Variants in RNF152 observed in about 807,000 individuals in gnomAD.
RNF152 encodes E3 ubiquitin-protein ligase RNF152.
In RNF152, 11 loss-of-function variants were observed where a neutral mutation model predicts 12.7. The observed-to-expected ratio is 0.86, with a 90% CI of 0.54 to 1.43. RNF152 has a LOEUF of 1.43. Ranked by LOEUF, RNF152 falls within the 40% of genes most tolerant of loss-of-function variation. The pLI is 0.00. For synonymous variants in RNF152, 113 were observed against 120.3 expected (o/e 0.94, Z 0.40); for missense variants, 255 against 274.8 (o/e 0.93, Z 0.51).
chr18:61,888,878 C>T lies in RNF152; in HGVS notation c.-136+3917G>A, dbSNP rs547555373. 45 of 152,310 alleles carry T rather than the reference C, an allele frequency of 3.0e-4. 1 individual carries two copies. The highest frequency in any genetic ancestry group is 9.6e-4 in the African/African-American group (40 of 41,564). 9.4% of individuals were successfully genotyped at this position (152,310 alleles called of 1,614,324 possible). A position where few individuals can be genotyped will look rare whatever the true frequency, so the allele number is the denominator to read the frequency against. On this transcript the variant is annotated intron_variant, in intron 1 of 1. Coordinates refer to ENST00000312828, the MANE Select transcript of RNF152 (RefSeq NM_173557.3). ...GGCAGTGCCAGAAACCACTTTCATG[C>T]CACAAGAGTCCTCTACCTGACCAGC...
chr18:61,875,787 C>T (rs11152319), intron 1 of RNF152, among the ~76,000 whole-genome samples: 80,658 of 151,812 alleles, frequency 0.53, 21,605 homozygotes, highest in East Asian at 0.76. Context: ...CATTGATTCA[C>T]CCTCCCATTC....
intron 1 of RNF152, among the ~76,000 whole-genome samples, chr18:61,855,025 A>C (rs1350280851): frequency 6.6e-6 from 1 of 152,222 alleles, no homozygotes; most frequent in African/African-American, 2.4e-5. Context: ...CCTAAATATT[A>C]TATTTTAAAT....
intron 1 of RNF152, among the ~76,000 whole-genome samples, chr18:61,832,676 C>A (rs2080953812): frequency 6.6e-6 from 1 of 152,088 alleles, no homozygotes; most frequent in Non-Finnish European, 1.5e-5. Context: ...AAAAAAACAG[C>A]CCGATTTAAC....
intron 1 of RNF152, among the ~76,000 whole-genome samples, chr18:61,818,709 C>T (rs549400270): frequency 3.9e-5 from 6 of 152,296 alleles, no homozygotes; most frequent in Non-Finnish European, 7.4e-5. Flanking sequence ...AAATCAGACC[C>T]AGATTCTACC....
chr18:61,839,337 T>C (rs1211724038), intron 1 of RNF152, among the ~76,000 whole-genome samples: 2 of 152,236 alleles, frequency 1.3e-5, no homozygotes, highest in Admixed American at 1.3e-4. Context: ...GTCCCTAGTC[T>C]TTCCTTGACT....
chr18:61,844,026 A>G (rs1910576265), intron 1 of RNF152, among the ~76,000 whole-genome samples: 1 of 150,366 alleles, frequency 6.7e-6, no homozygotes, highest in African/African-American at 2.5e-5. Context: ...AGAGAAAAGA[A>G]AGAGAGAGAG....
At position 61,815,533 on chromosome 18, in the gene RNF152, C is replaced by T. The variant is rs993826722; in HGVS notation, c.*319G>A. ...CATTGTACGCACTTGTACAGTTTAA[C>T]GTCTAAGTAGAATATGTCTATCTTG... On this transcript the variant is annotated 3_prime_UTR_variant, in exon 2 of 2. Transcript: ENST00000312828. The T allele has an allele frequency of 1.7e-5, 5 of 301,194 alleles. No individual in the cohort carries two copies. Among genetic ancestry groups the T allele is most frequent in the African/African-American group, 4.2e-5 (2 of 47,076 alleles). 18.7% of individuals were successfully genotyped at this position (301,194 alleles called of 1,614,324 possible).
At chr18:61,879,259 G>A (rs1912348113) in intron 1 of RNF152, among the ~76,000 whole-genome samples, 1 of 152,068 alleles carries the variant, frequency 6.6e-6, no homozygotes, top group Non-Finnish European at 1.5e-5. Context: ...CATTTATATT[G>A]TGTTTACATT....
At chr18:61,863,117 T>G (rs1911562729) in intron 1 of RNF152, among the ~76,000 whole-genome samples, 1 of 152,164 alleles carries the variant, frequency 6.6e-6, no homozygotes, top group African/African-American at 2.4e-5. Flanking sequence ...CCAAATGTGT[T>G]GCCCGTAAAA....
intron 1 of RNF152, among the ~76,000 whole-genome samples, chr18:61,817,995 G>A (rs1909194286): frequency 6.6e-6 from 1 of 152,138 alleles, no homozygotes; most frequent in South Asian, 2.1e-4. Context: ...ACCTAGAGAT[G>A]GGAGCTATAA....
At position 61,808,919 on chromosome 18, in the gene RNF152, TG is replaced by T. The variant is rs1352161069; in HGVS notation, c.*6932del. 1 of 152,066 alleles carries T rather than the reference TG, an allele frequency of 6.6e-6. No homozygotes were observed. 9.4% of individuals were successfully genotyped at this position (152,066 alleles called of 1,614,324 possible). A position where few individuals can be genotyped will look rare whatever the true frequency, so the allele number is the denominator to read the frequency against. ...GCATAGGATAGGGTGATAGGGAAAA[TG>T]GGGACTCCTTGGACCCTCATGAGCT... On this transcript the variant is annotated 3_prime_UTR_variant, in exon 2 of 2. Transcript: ENST00000312828.
chr18:61,854,702 T>C (rs1042552117), intron 1 of RNF152, among the ~76,000 whole-genome samples: 2 of 152,160 alleles, frequency 1.3e-5, no homozygotes, highest in Non-Finnish European at 2.9e-5. Flanking sequence ...AACCTGGAAT[T>C]TCCTCTCTCT....
chr18:61,875,790 T>C (rs1912189228), intron 1 of RNF152, among the ~76,000 whole-genome samples: 1 of 152,042 alleles, frequency 6.6e-6, no homozygotes, highest in African/African-American at 2.4e-5. Flanking sequence ...TGATTCACCC[T>C]CCCATTCCTG....
chr18:61,871,220 A>G (rs1370924047), intron 1 of RNF152, among the ~76,000 whole-genome samples: 3 of 146,112 alleles, frequency 2.1e-5, no homozygotes, highest in South Asian at 2.4e-4. Flanking sequence ...CACCCCAAAA[A>G]AAAACAGAAG....
chr18:61,891,445 AC>A (rs1432053880), intron 1 of RNF152, among the ~76,000 whole-genome samples: 2 of 149,594 alleles, frequency 1.3e-5, no homozygotes, highest in African/African-American at 4.9e-5. Context: ...TAAAAAAAAA[AC>A]CACACCCTTG....
chr18:61,850,630 A>G (rs1910929235), intron 1 of RNF152, among the ~76,000 whole-genome samples: 2 of 152,218 alleles, frequency 1.3e-5, no homozygotes, highest in Admixed American at 6.5e-5. Context: ...GAATCTTGGA[A>G]AAAGGAGGCT....
chr18:61,820,758 T>C (rs987882431), intron 1 of RNF152, among the ~76,000 whole-genome samples: 4 of 152,196 alleles, frequency 2.6e-5, no homozygotes, highest in Non-Finnish European at 4.4e-5. Flanking sequence ...CTTTCCATAC[T>C]ATTTACCTTA....
rs190384970 is a variant in RNF152 at position 61,877,199 on chromosome 18, A to C, written c.-136+15596T>G. 1.2e-3 allele frequency among the ~76,000 whole-genome samples: 187 copies of C among 152,346 alleles called. 1 individual carries two copies. The highest frequency in any genetic ancestry group is 3.1e-4 in the Non-Finnish European group (21 of 68,016). ...GGCACCAAATGAAACCATTTGACTT[A>C]CGTATTTTGGTCAGGGGTTCTGCGT... is the stretch of plus-strand genomic sequence containing the variant. On this transcript the variant is annotated intron_variant, in intron 1 of 1. Coordinates refer to ENST00000312828, the MANE Select transcript of RNF152 (RefSeq NM_173557.3).
chr18:61,875,375 C>A (rs1912165837), intron 1 of RNF152, among the ~76,000 whole-genome samples: 1 of 152,168 alleles, frequency 6.6e-6, no homozygotes, highest in Admixed American at 6.5e-5. Context: ...AAGCTACATC[C>A]TAACTTTAAA....
Sources: gnomAD v4.1 joint callset for allele counts (sites outside exome capture counted in the v4.1 genomes callset) on GRCh38, gnomAD v4.1.1 for gene constraint, MANE v1.5 for transcripts, NCBI Gene and HGNC (gene_info 2026-07-23, HGNC 2026-07-21) for gene names.